RASSF3: variants seen among roughly 807,000 people sequenced by gnomAD.
RASSF3 encodes the protein ras association domain-containing protein 3.
RASSF3 carries 19 observed loss-of-function variants against 19.9 expected under a neutral mutation model. That is an observed-to-expected ratio of 0.96 (90% CI 0.67 to 1.40). RASSF3 has a LOEUF of 1.40. Ranked by LOEUF, RASSF3 falls within the 40% of genes most tolerant of loss-of-function variation. The pLI is 0.00. For synonymous variants in RASSF3, 110 were observed against 104.2 expected (o/e 1.06, Z -0.34); for missense variants, 306 against 289.8 (o/e 1.06, Z -0.41).
At chr12:64,539,708 T>G (rs533421048) in intron 1 of RASSF3, among the ~76,000 whole-genome samples, 11 of 151,912 alleles carry the variant, frequency 7.2e-5, no homozygotes, top group Non-Finnish European at 1.6e-4. Flanking sequence ...CCCAGATGGT[T>G]GAGGCTGCAG....
At position 64,691,496 on chromosome 12, in the gene RASSF3, G is replaced by T; in HGVS notation, c.484G>T (p.Glu162Ter). 6.2e-7 allele frequency: 1 copy of T among 1,613,926 alleles called. No homozygotes were observed. Among genetic ancestry groups the T allele is most frequent in the Non-Finnish European group, 8.5e-7 (1 of 1,179,828 alleles). ...CTACGCCTGCAAGCTCTCAGACCGG[G>T]AACATCCACTCTACCTGCGTTTGGT... ...QVYACKLSDR[E>*]HPLYLRLVAG... The change falls in exon 4 of 5, where the codon GAA becomes TAA. Residue 162 changes from glutamate (E) to a stop codon, truncating the protein, a stop_gained. Transcript: ENST00000542104. LOFTEE classifies it high-confidence loss of function.
intron 1 of RASSF3, among the ~76,000 whole-genome samples, chr12:64,634,794 G>A (rs934612595): frequency 1.8e-4 from 25 of 142,788 alleles, no homozygotes; most frequent in African/African-American, 5.5e-4. Flanking sequence ...AAAAAAATTA[G>A]CAGAATTTAT....
At chr12:64,543,910 C>T (rs140239474), downstream of RASSF3, among the ~76,000 whole-genome samples, 262 of 152,136 alleles carry the variant, frequency 1.7e-3, no homozygotes, top group African/African-American at 6.1e-3. Flanking sequence ...ACTTTTGTGT[C>T]TATCTCAGGG....
At chr12:64,541,961 T>C (rs1385762518), downstream of RASSF3, among the ~76,000 whole-genome samples, 1 of 152,170 alleles carries the variant, frequency 6.6e-6, no homozygotes, top group Non-Finnish European at 1.5e-5. Context: ...ATATGAGGCT[T>C]TCATCTGCTT....
intron 2 of RASSF3, among the ~76,000 whole-genome samples, chr12:64,563,886 G>A (rs1869387259): frequency 6.6e-6 from 1 of 152,068 alleles, no homozygotes; most frequent in East Asian, 1.9e-4. Flanking sequence ...TTACCACTAT[G>A]CAACATCATT....
chr12:64,539,421 A>T (rs1868897116), intron 1 of RASSF3, among the ~76,000 whole-genome samples: 1 of 152,144 alleles, frequency 6.6e-6, no homozygotes, highest in Non-Finnish European at 1.5e-5. Flanking sequence ...AATTTGGGGG[A>T]CACATTCAAA....
intron 3 of RASSF3, among the ~76,000 whole-genome samples, chr12:64,690,463 G>T (rs1328813489): frequency 3.3e-5 from 5 of 152,056 alleles, no homozygotes; most frequent in Non-Finnish European, 2.9e-5. Context: ...GGGATTACAG[G>T]TATGAGCCAC....
At chr12:64,684,431 G>GT (rs146721078) in intron 1 of RASSF3, among the ~76,000 whole-genome samples, 14,837 of 120,924 alleles carry the variant, frequency 0.12, 1,376 homozygotes, top group African/African-American at 0.24. Context: ...TTGTTTGTTT[G>GT]TTTGTTTTTT....
chr12:64,634,866 T>C (rs913273466), intron 1 of RASSF3, among the ~76,000 whole-genome samples: 3 of 151,692 alleles, frequency 2.0e-5, no homozygotes, highest in African/African-American at 7.3e-5. Context: ...TCAAACTAGG[T>C]TTTGCTCAGA....
chr12:64,604,032 G>A (rs965906349), intron 2 of RASSF3, among the ~76,000 whole-genome samples: 2 of 151,948 alleles, frequency 1.3e-5, no homozygotes, highest in Admixed American at 6.6e-5. Flanking sequence ...ATTTTTAGTA[G>A]AGATGGGGTT....
At chr12:64,692,735 A>T (rs932316308) in intron 4 of RASSF3, among the ~76,000 whole-genome samples, 2 of 152,072 alleles carry the variant, frequency 1.3e-5, no homozygotes, top group Non-Finnish European at 2.9e-5. Flanking sequence ...TAACTTGGTT[A>T]TTTTATTGTA....
At chr12:64,682,092 A>G (rs1221174828) in intron 1 of RASSF3, among the ~76,000 whole-genome samples, 2 of 152,210 alleles carry the variant, frequency 1.3e-5, no homozygotes, top group Non-Finnish European at 2.9e-5. Context: ...CCAAACACTA[A>G]TACCAAAAAT....
intron 1 of RASSF3, among the ~76,000 whole-genome samples, chr12:64,620,014 C>CTCTGTGTGTGTGTG (rs145002119): frequency 1.5e-5 from 2 of 134,232 alleles, no homozygotes; most frequent in East Asian, 2.1e-4. Context: ...TGCAGGTTGA[C>CTCTGTGTGTGTGTG]TGTGTGTGTG....
chr12:64,576,090 T>C (rs140220131), intron 2 of RASSF3, among the ~76,000 whole-genome samples: 9 of 152,192 alleles, frequency 5.9e-5, no homozygotes, highest in Admixed American at 5.9e-4. Context: ...GGTTTCTCCA[T>C]GTTAAAGCAA....
intron 1 of RASSF3, among the ~76,000 whole-genome samples, chr12:64,611,104 C>A (rs1334914620): frequency 6.6e-6 from 1 of 152,166 alleles, no homozygotes; most frequent in East Asian, 1.9e-4. Context: ...GCTGGGTCGA[C>A]GGTCGGGTTC....
downstream of RASSF3, among the ~76,000 whole-genome samples, chr12:64,546,095 C>CAAAAA (rs34666595): frequency 4.9e-4 from 29 of 59,540 alleles, no homozygotes; most frequent in African/African-American, 9.3e-4. Context: ...GACTCCGTCT[C>CAAAAA]AAAAAAAAAA....
intron 1 of RASSF3, among the ~76,000 whole-genome samples, chr12:64,638,063 C>T (rs1211106253): frequency 6.6e-6 from 1 of 151,998 alleles, no homozygotes; most frequent in African/African-American, 2.4e-5. Flanking sequence ...ATCTCTTGAC[C>T]TCGTGATCTG....
intron 2 of RASSF3, among the ~76,000 whole-genome samples, chr12:64,547,764 T>TC (rs1044173748): frequency 2.2e-4 from 34 of 152,146 alleles, no homozygotes; most frequent in Middle Eastern, 3.4e-3. Flanking sequence ...ATCAAATTCT[T>TC]CCCCCCCACA....
At chr12:64,665,135 A>G (rs1030716598) in intron 1 of RASSF3, among the ~76,000 whole-genome samples, 1 of 152,224 alleles carries the variant, frequency 6.6e-6, no homozygotes, top group Admixed American at 6.5e-5. Context: ...AAGACAGCGC[A>G]GTGGAAGGTT....
Sources: allele counts gnomAD v4.1 joint callset (sites outside exome capture counted in the v4.1 genomes callset), GRCh38; gene constraint gnomAD v4.1.1; transcripts MANE v1.5; gene names NCBI Gene and HGNC (gene_info 2026-07-23, HGNC 2026-07-21).